DNPEP: variants seen among roughly 807,000 people sequenced by gnomAD.
DNPEP encodes the protein aspartyl aminopeptidase.
DNPEP carries 46 observed loss-of-function variants against 59.1 expected under a neutral mutation model. The observed-to-expected ratio is 0.78, with a 90% CI of 0.61 to 0.99. DNPEP has a LOEUF of 0.99. Among genes scored for constraint, DNPEP ranks in the 50% least tolerant of loss-of-function variants. The probability of loss-of-function intolerance (pLI) is 0.00; values close to 1 mark genes in which losing one functional copy is unlikely to be tolerated. For synonymous variants in DNPEP, 229 were observed against 242.2 expected (o/e 0.95, Z 0.50); for missense variants, 617 against 649.9 (o/e 0.95, Z 0.55).
In DNPEP at chr2:219,372,273, C is replaced by T. The variant is rs542276388; in HGVS notation, c.*2019G>A. 6.6e-6 allele frequency among the ~76,000 whole-genome samples: 1 copy of T among 152,292 alleles called. No individual in the cohort carries two copies. Among genetic ancestry groups the T allele is most frequent in the Non-Finnish European group, 1.5e-5 (1 of 68,028 alleles). ...TAAGGCCCTTTTGTCACTCCCAACC[C>T]AGAAGATCACTGTAAAAGTTTCAGG... On this transcript the variant is annotated 3_prime_UTR_variant, in exon 15 of 15. Coordinates refer to ENST00000273075, the MANE Select transcript of DNPEP (RefSeq NM_012100.4).
At chr2:219,395,407 G>A (rs868827635) in intron 1 of DNPEP, among the ~76,000 whole-genome samples, 14 of 152,226 alleles carry the variant, frequency 9.2e-5, no homozygotes, top group Middle Eastern at 3.4e-3. Flanking sequence ...AAAACAAAGC[G>A]CCTTGATCCC....
chr2:219,386,448 TG>T, intron 4 of DNPEP, 37 bp from the exon 5 acceptor site: 1 of 1,613,436 alleles, frequency 6.2e-7, no homozygotes, highest in Non-Finnish European at 8.5e-7. Flanking sequence ...GAAGGCTTCA[TG>T]ACGATATGTG....
intron 1 of DNPEP, among the ~76,000 whole-genome samples, chr2:219,397,210 TC>T (rs906289580): frequency 6.7e-5 from 4 of 59,614 alleles, no homozygotes; most frequent in Non-Finnish European, 1.4e-4. Context: ...CCCCCTCCCC[TC>T]CCCTCCCACC....
At position 219,386,001 on chromosome 2, in the gene DNPEP, TTGA is replaced by T; in HGVS notation, c.554_556del (p.Ile185del). On this transcript the variant is annotated inframe_deletion, in exon 6 of 15. Coordinates refer to ENST00000273075, the MANE Select transcript of DNPEP (RefSeq NM_012100.4). ...CTCTGTGTTGGGCCCAAAGTTCTCGTTGATATTTCGCTGCAGATGGATGGCCAG... is the reference window on the plus strand; with the variant it reads ...CTCTGTGTTGGGCCCAAAGTTCTCGTTATTTCGCTGCAGATGGATGGCCAG... The T allele has an allele frequency of 6.2e-7, 1 of 1,614,144 alleles. No homozygotes were observed. Among genetic ancestry groups the T allele is most frequent in the Non-Finnish European group, 8.5e-7 (1 of 1,180,020 alleles).
rs768541208 is a variant in DNPEP, at chr2:219,385,707, CTG to C, written c.591-3_591-2del. ...GATGGCTGTGGCAAGAATGGGGACT[CTG>C]TGGGGAGACGTGGGTTGTGGGGGGA... On this transcript the variant is annotated splice_acceptor_variant and splice_polypyrimidine_tract_variant and intron_variant, in intron 6 of 14. Coordinates refer to ENST00000273075, the MANE Select transcript of DNPEP (RefSeq NM_012100.4). LOFTEE classifies it high-confidence loss of function. 1 of 1,600,850 alleles carries C rather than the reference CTG, an allele frequency of 6.2e-7. No homozygotes were observed. Among genetic ancestry groups the C allele is most frequent in the Non-Finnish European group, 8.5e-7 (1 of 1,173,112 alleles).
At chr2:219,397,249 A>T (rs1269058527) in intron 1 of DNPEP, among the ~76,000 whole-genome samples, 2 of 145,674 alleles carry the variant, frequency 1.4e-5, no homozygotes, top group African/African-American at 5.1e-5. Flanking sequence ...CCACATTCAG[A>T]GACATCAGAC....
intron 11 of DNPEP, 70 bp downstream of exon 11, chr2:219,381,909 G>A (rs1167833991): frequency 1.3e-6 from 2 of 1,567,554 alleles, no homozygotes; most frequent in African/African-American, 2.7e-5. Flanking sequence ...GGCCAAGGCA[G>A]AGCCTCAAGG....
At chr2:219,383,942 C>G (rs1452782531) in intron 9 of DNPEP, among the ~76,000 whole-genome samples, 1 of 152,184 alleles carries the variant, frequency 6.6e-6, no homozygotes, top group Non-Finnish European at 1.5e-5. Flanking sequence ...GAGAGGCTAC[C>G]TGACTGAGAT....
chr2:219,382,607 G>A (rs941810141), intron 10 of DNPEP, among the ~76,000 whole-genome samples: 2 of 152,152 alleles, frequency 1.3e-5, no homozygotes, highest in African/African-American at 4.8e-5. Flanking sequence ...TAAAGCCAGG[G>A]GGTGTCTACT....
intron 5 of DNPEP, 70 bp from the exon 6 acceptor site, chr2:219,386,168 A>G: frequency 2.7e-6 from 4 of 1,479,706 alleles, no homozygotes; most frequent in Non-Finnish European, 1.8e-6. Context: ...CTTCACTCAG[A>G]CTAAGCAGGG....
intron 9 of DNPEP, 107 bp from the exon 10 acceptor site, chr2:219,383,321 G>A (rs1358746720): frequency 3.5e-6 from 3 of 868,242 alleles, no homozygotes; most frequent in Non-Finnish European, 1.9e-6. Context: ...AGCACCTTGG[G>A]TGTGCACATT....
At chr2:219,387,447 T>A (rs1434262989) in intron 1 of DNPEP, 47 of 1,432,180 alleles carry the variant, frequency 3.3e-5, no homozygotes, top group Non-Finnish European at 3.9e-5. Flanking sequence ...GAAATCCTGT[T>A]CTGCTCCCAA....
chr2:219,387,086 A>G lies in DNPEP; in HGVS notation c.114T>C (p.Ser38=). Residue 38 remains serine, a synonymous_variant, in exon 2 of 15, where the codon AGT becomes AGC. Transcript: ENST00000273075. ...ACCGCTTACCATGGAAAGGAGAGGG[A>G]CTCCGGTTCACGAACTTGAGGAGTT... ...AKELLKFVNR[S]PSPFHAVAEC... 1 of 1,596,690 alleles carries G rather than the reference A, an allele frequency of 6.3e-7. No homozygotes were observed. The highest frequency in any genetic ancestry group is 8.5e-7 in the Non-Finnish European group (1 of 1,170,820).
chr2:219,390,473 T>C (rs1204133679), upstream of DNPEP, among the ~76,000 whole-genome samples: 3 of 152,224 alleles, frequency 2.0e-5, no homozygotes, highest in African/African-American at 7.2e-5. Flanking sequence ...AAAAGGGCTA[T>C]ATTTACAAGA....
chr2:219,375,028 G>A lies in DNPEP; in HGVS notation c.1240-6C>T. ...TCATTCCGGACCATGAGATCCTAGG[G>A]AGAGCAGGAGACCCATGAGCAACAT... On this transcript the variant is annotated splice_polypyrimidine_tract_variant and splice_region_variant and intron_variant, in intron 13 of 14. Coordinates refer to ENST00000273075, the MANE Select transcript of DNPEP (RefSeq NM_012100.4). 2 of 1,613,896 alleles carry A rather than the reference G, an allele frequency of 1.2e-6. No individual in the cohort carries two copies.
intron 14 of DNPEP, 29 bp downstream of exon 14, chr2:219,374,826 T>A: frequency 6.2e-7 from 1 of 1,601,536 alleles, no homozygotes; most frequent in South Asian, 1.1e-5. Context: ...GCAGCCCAGC[T>A]GCCAGAGAGG....
intron 1 of DNPEP, among the ~76,000 whole-genome samples, chr2:219,398,569 G>A (rs1954135048): frequency 6.6e-6 from 1 of 152,026 alleles, no homozygotes; most frequent in African/African-American, 2.4e-5. Context: ...AGAATCGCTT[G>A]AACCCAGGAG....
intron 1 of DNPEP, among the ~76,000 whole-genome samples, chr2:219,398,723 C>T (rs1954137857): frequency 1.3e-5 from 2 of 152,156 alleles, no homozygotes; most frequent in African/African-American, 4.8e-5. Context: ...TTAGGACATA[C>T]TTCTTAATCT....
At position 219,372,206 on chromosome 2, in the gene DNPEP, T is replaced by C. The variant is rs1953212909; in HGVS notation, c.*2086A>G. ...TAAAATTTTTTACATAAGTAATACA[T>C]GGTACATTCTGTTATACAAAAGGAA... is the stretch of plus-strand genomic sequence containing the variant. On this transcript the variant is annotated 3_prime_UTR_variant, in exon 15 of 15. Coordinates refer to ENST00000273075, the MANE Select transcript of DNPEP (RefSeq NM_012100.4). Among the ~76,000 whole-genome samples, 1 of 152,174 alleles carries C rather than the reference T, an allele frequency of 6.6e-6. No homozygotes were observed. The highest frequency in any genetic ancestry group is 1.5e-5 in the Non-Finnish European group (1 of 68,032).
Sources: allele counts gnomAD v4.1 joint callset (sites outside exome capture counted in the v4.1 genomes callset), GRCh38; gene constraint gnomAD v4.1.1; transcripts MANE v1.5; gene names NCBI Gene and HGNC (gene_info 2026-07-23, HGNC 2026-07-21).